Variants in LARS2 observed in about 807,000 individuals in gnomAD.
LARS2 encodes leucyl-tRNA synthetase 2, mitochondrial, also known as leucine--tRNA ligase, mitochondrial.
A neutral mutation model predicts 116.6 loss-of-function variants in LARS2; 81 were observed. The observed-to-expected ratio is 0.69, with a 90% CI of 0.58 to 0.84. The LOEUF is 0.84. Ranked by LOEUF, LARS2 falls within the 40% of genes least tolerant of loss-of-function variation. LARS2 has a pLI of 0.00. For missense variants in LARS2, 968 were observed against 1,114.5 expected, an observed-to-expected ratio of 0.87 and a Z score of 1.87; for synonymous variants, 396 against 407.2, an observed-to-expected ratio of 0.97 and a Z score of 0.33.
intron 15 of LARS2, among the ~76,000 whole-genome samples, chr3:45,505,896 A>G (rs1293594369): frequency 6.6e-6 from 1 of 152,064 alleles, no homozygotes; most frequent in East Asian, 1.9e-4. Flanking sequence ...CTTATTTACA[A>G]TAGTTTAAGA....
At chr3:45,517,862 T>C (rs771385972) in intron 17 of LARS2, 41 bp from the exon 18 acceptor site, 80 of 1,553,672 alleles carry the variant, frequency 5.1e-5, no homozygotes, top group Non-Finnish European at 6.9e-5. Context: ...CACCCTTATG[T>C]TGCACGCTCT....
At chr3:45,535,362 AAAAAAGAAAAG>A (rs1315664294) in intron 20 of LARS2, among the ~76,000 whole-genome samples, 1 of 51,720 alleles carries the variant, frequency 1.9e-5, no homozygotes, top group Non-Finnish European at 6.8e-5. Context: ...CAATTAAAAA[AAAAAAGAAAAG>A]AAAAGAAAAG....
At chr3:45,511,548 A>G (rs2125749302) in intron 15 of LARS2, among the ~76,000 whole-genome samples, 1 of 151,930 alleles carries the variant, frequency 6.6e-6, no homozygotes, top group Non-Finnish European at 1.5e-5. Flanking sequence ...ACTTTTCAAT[A>G]TGTGTGCTAT....
chr3:45,410,137 G>T (rs942365743), intron 4 of LARS2, among the ~76,000 whole-genome samples: 1 of 152,120 alleles, frequency 6.6e-6, no homozygotes, highest in Non-Finnish European at 1.5e-5. Context: ...GAAACCAAGT[G>T]GTAATTAAGT....
At chr3:45,493,591 G>A (rs533634463) in intron 13 of LARS2, among the ~76,000 whole-genome samples, 1 of 152,140 alleles carries the variant, frequency 6.6e-6, no homozygotes, top group Non-Finnish European at 1.5e-5. Flanking sequence ...ATGGGGATAT[G>A]AGCAGTATCG....
intron 6 of LARS2, among the ~76,000 whole-genome samples, chr3:45,424,634 A>G (rs567517384): frequency 6.6e-6 from 1 of 152,344 alleles, no homozygotes; most frequent in Admixed American, 6.5e-5. Context: ...GTCTCTGTAC[A>G]TATAGTAATC....
At chr3:45,497,791 C>T (rs907461383) in intron 14 of LARS2, among the ~76,000 whole-genome samples, 2 of 151,986 alleles carry the variant, frequency 1.3e-5, no homozygotes, top group East Asian at 1.9e-4. Context: ...CCTGTAATCC[C>T]AGCTACTCAG....
intron 4 of LARS2, among the ~76,000 whole-genome samples, 166 bp downstream of exon 4, chr3:45,400,539 A>G (rs1461224717): frequency 6.6e-6 from 1 of 152,246 alleles, no homozygotes; most frequent in East Asian, 1.9e-4. Flanking sequence ...ATTAGATGAT[A>G]TTATAATAAA....
Position 45,532,916 on chromosome 3 carries a change from A to G in LARS2, c.2404+8808A>G, listed in dbSNP as rs184484941. 1.1e-3 allele frequency among the ~76,000 whole-genome samples: 175 copies of G among 152,282 alleles called. 1 individual carries two copies. In the South Asian group the frequency reaches 0.017, roughly 14 times the overall value. On this transcript the variant is annotated intron_variant, in intron 20 of 21. Transcript: ENST00000645846. ...CTCAGCCTCCCAAAGTGCTGGGATT[A>G]CAGGTGTGAACCACAGCGCCCGGCC... is the stretch of plus-strand genomic sequence containing the variant.
At chr3:45,501,932 T>A (rs1045679847) in intron 15 of LARS2, among the ~76,000 whole-genome samples, 6 of 152,028 alleles carry the variant, frequency 3.9e-5, no homozygotes, top group Admixed American at 6.6e-5. Context: ...GATTTTTTTT[T>A]AATTTTTTAA....
At chr3:45,389,387 G>A (rs1697898993) in intron 1 of LARS2, among the ~76,000 whole-genome samples, 1 of 152,112 alleles carries the variant, frequency 6.6e-6, no homozygotes, top group African/African-American at 2.4e-5. Context: ...GGGCTCTGAC[G>A]GCTCCAGCAT....
rs375277660 is a variant in LARS2 at position 45,500,233 on chromosome 3, C to G, written c.1623-209C>G. 2.4e-3 allele frequency among the ~76,000 whole-genome samples: 368 copies of G among 152,292 alleles called. 12 individuals are homozygous for G. In the South Asian group the frequency reaches 0.07, roughly 29 times the overall value. On this transcript the variant is annotated intron_variant, in intron 14 of 21. Transcript: ENST00000645846. ...GGCAGGCTGGTCTCGAACTCCTGAC[C>G]TCAGGTGAGCCACCTGCCTCGGCCT...
intron 15 of LARS2, among the ~76,000 whole-genome samples, chr3:45,505,065 A>G (rs1284792241): frequency 6.6e-6 from 1 of 151,820 alleles, no homozygotes; most frequent in Non-Finnish European, 1.5e-5. Context: ...TGGGTGACAG[A>G]ACAAGACTCT....
intron 6 of LARS2, among the ~76,000 whole-genome samples, chr3:45,442,387 A>G (rs1044486358): frequency 1.3e-5 from 2 of 152,184 alleles, no homozygotes; most frequent in African/African-American, 2.4e-5. Context: ...TTCAACAACT[A>G]TTTTATGGGA....
intron 8 of LARS2, among the ~76,000 whole-genome samples, chr3:45,471,212 T>TCA (rs1699520650): frequency 6.6e-6 from 1 of 152,230 alleles, no homozygotes; most frequent in Non-Finnish European, 1.5e-5. Context: ...CAGCAGCTAT[T>TCA]GGAAAAGGTA....
intron 14 of LARS2, among the ~76,000 whole-genome samples, chr3:45,498,422 T>C (rs1405792225): frequency 6.6e-6 from 1 of 152,244 alleles, no homozygotes; most frequent in Admixed American, 6.5e-5. Flanking sequence ...TCCTTTCTTT[T>C]CTGTCGCCTG....
In LARS2 at chr3:45,419,193, A is replaced by G. The variant is rs573800528; in HGVS notation, c.456-476A>G. On this transcript the variant is annotated intron_variant, in intron 5 of 21. Coordinates refer to ENST00000645846, the MANE Select transcript of LARS2 (RefSeq NM_015340.4). Reference sequence around the variant, plus strand: ...TTATCTCCCTGTTTCTCAATGGTGGATAGTTTTAGGTTTTAGGATTTACAT... The same window carrying G: ...TTATCTCCCTGTTTCTCAATGGTGGGTAGTTTTAGGTTTTAGGATTTACAT... Among the ~76,000 whole-genome samples the G allele has an allele frequency of 1.8e-4, 27 of 152,168 alleles. No individual in the cohort carries two copies. In the South Asian group the frequency reaches 5.0e-3, roughly 28 times the overall value.
intron 3 of LARS2, 112 bp downstream of exon 3, chr3:45,394,799 A>G (rs1184912635): frequency 2.9e-6 from 2 of 687,358 alleles, no homozygotes; most frequent in East Asian, 2.7e-5. Context: ...CTTGAACCAA[A>G]TTGTTGAATT....
chr3:45,480,790 CCTAA>C (rs767277937), intron 10 of LARS2, among the ~76,000 whole-genome samples: 1 of 152,144 alleles, frequency 6.6e-6, no homozygotes, highest in Admixed American at 6.5e-5. Context: ...CAATTTTTGT[CCTAA>C]CTGAGAAACT....
Sources: gnomAD v4.1 joint callset for allele counts (sites outside exome capture counted in the v4.1 genomes callset) on GRCh38, gnomAD v4.1.1 for gene constraint, MANE v1.5 for transcripts, NCBI Gene and HGNC (gene_info 2026-07-23, HGNC 2026-07-21) for gene names.